Variants in CADM1 observed in about 807,000 individuals in gnomAD.
CADM1 encodes the protein cell adhesion molecule 1.
A neutral mutation model predicts 53.1 loss-of-function variants in CADM1; 15 were observed. That is an observed-to-expected ratio of 0.28 (90% CI 0.19 to 0.44). The LOEUF (loss-of-function observed/expected upper bound fraction) is 0.44. CADM1 is among the 20% of genes least tolerant of loss of function. The probability of loss-of-function intolerance (pLI) is 1.00; values close to 1 mark genes in which losing one functional copy is unlikely to be tolerated. For synonymous variants in CADM1, 281 were observed against 243.0 expected (o/e 1.16, Z -1.45); for missense variants, 434 against 611.3 (o/e 0.71, Z 3.06).
intron 10 of CADM1, among the ~76,000 whole-genome samples, chr11:115,189,599 T>C (rs45614835): frequency 0.16 from 24,332 of 152,220 alleles, 2,061 homozygotes; most frequent in East Asian, 0.3. Context: ...TAAAACTAGG[T>C]AAATGTTTTT....
chr11:115,214,633 G>A lies in CADM1; in HGVS notation c.969C>T (p.His323=). 2.5e-6 allele frequency: 4 copies of A among 1,614,028 alleles called. No homozygotes were observed. The highest frequency in any genetic ancestry group is 3.4e-6 in the Non-Finnish European group (4 of 1,179,934). Residue 323 remains histidine, a synonymous_variant, in exon 7 of 12, where the codon CAC becomes CAT. Coordinates refer to ENST00000331581, the MANE Select transcript of CADM1 (RefSeq NM_001301043.2). ...CEASNIVGKA[H]SDYMLYVYDP... ...CGTATACATACAGCATATAATCCGAGTGAGCTTTCCCCACTATGTTTGAAG... is the reference window on the plus strand; with the variant it reads ...CGTATACATACAGCATATAATCCGAATGAGCTTTCCCCACTATGTTTGAAG...
At chr11:115,281,551 ATCCAGCTTAAGAT>A (rs1161632511) in intron 1 of CADM1, among the ~76,000 whole-genome samples, 1 of 152,222 alleles carries the variant, frequency 6.6e-6, no homozygotes, top group Non-Finnish European at 1.5e-5. Flanking sequence ...AAATCGTGTG[ATCCAGCTTAAGAT>A]TCTGAATGGC....
At chr11:115,334,447 T>C (rs1324770242) in intron 1 of CADM1, among the ~76,000 whole-genome samples, 1 of 145,718 alleles carries the variant, frequency 6.9e-6, no homozygotes, top group Non-Finnish European at 1.5e-5. Context: ...GGTCTAAAAA[T>C]TGATGAGTAC....
intron 9 of CADM1, among the ~76,000 whole-genome samples, chr11:115,191,467 C>T (rs1454694132): frequency 6.6e-6 from 1 of 152,214 alleles, no homozygotes; most frequent in Non-Finnish European, 1.5e-5. Flanking sequence ...ATCAGAAAAT[C>T]TGATTCGCAA....
chr11:115,176,998 A>G (rs1341877995), intron 11 of CADM1, among the ~76,000 whole-genome samples: 1 of 152,236 alleles, frequency 6.6e-6, no homozygotes, highest in Non-Finnish European at 1.5e-5. Flanking sequence ...CAATTAGCCA[A>G]TAAATGAATT....
At chr11:115,188,972 A>C (rs1939711204) in intron 10 of CADM1, among the ~76,000 whole-genome samples, 2 of 152,074 alleles carry the variant, frequency 1.3e-5, no homozygotes, top group Non-Finnish European at 2.9e-5. Flanking sequence ...GTAATTGATT[A>C]ATCAGCATCC....
chr11:115,229,840 T>C (rs1430854244), intron 4 of CADM1, among the ~76,000 whole-genome samples: 2 of 152,286 alleles, frequency 1.3e-5, no homozygotes, highest in Admixed American at 6.5e-5. Context: ...GTAATTGAAA[T>C]GTTTAAACTC....
intron 1 of CADM1, among the ~76,000 whole-genome samples, chr11:115,331,081 G>T (rs890383639): frequency 6.6e-6 from 1 of 152,152 alleles, no homozygotes. Flanking sequence ...CTACAGGAAA[G>T]AATGTAAAAA....
chr11:115,281,380 G>A (rs1943579864), intron 1 of CADM1, among the ~76,000 whole-genome samples: 1 of 152,192 alleles, frequency 6.6e-6, no homozygotes, highest in Non-Finnish European at 1.5e-5. Context: ...CAAGACTTGA[G>A]CTTAAAGAGA....
At chr11:115,181,123 C>A (rs1204805405) in intron 10 of CADM1, among the ~76,000 whole-genome samples, 1 of 144,844 alleles carries the variant, frequency 6.9e-6, no homozygotes, top group Non-Finnish European at 1.5e-5. Context: ...AAAAGACCGC[C>A]TCCTCTCCAT....
At chr11:115,486,378 T>C (rs554057365) in intron 1 of CADM1, among the ~76,000 whole-genome samples, 41 of 152,330 alleles carry the variant, frequency 2.7e-4, no homozygotes, top group African/African-American at 9.1e-4. Flanking sequence ...TTGAGACAGG[T>C]CTCACTCTGT....
intron 1 of CADM1, among the ~76,000 whole-genome samples, chr11:115,450,341 T>C (rs913844997): frequency 3.0e-4 from 46 of 152,200 alleles, no homozygotes; most frequent in African/African-American, 1.1e-3. Flanking sequence ...CTTATCTTTC[T>C]ACTTCCAGGC....
chr11:115,261,370 G>C (rs920840305), intron 1 of CADM1, among the ~76,000 whole-genome samples: 1 of 152,048 alleles, frequency 6.6e-6, no homozygotes, highest in Non-Finnish European at 1.5e-5. Context: ...TAGAATTAAT[G>C]CCTCTCTCAA....
At chr11:115,328,691 T>TGTGTATATATGTATATACGTATATACGC (rs1555066931) in intron 1 of CADM1, among the ~76,000 whole-genome samples, 2 of 19,076 alleles carry the variant, frequency 1.0e-4, no homozygotes, top group African/African-American at 5.4e-4. Context: ...TATATATATG[T>TGTGTATATATGTATATACGTATATACGC]GTATATATAT....
At chr11:115,292,480 C>T (rs1439191776) in intron 1 of CADM1, among the ~76,000 whole-genome samples, 1 of 152,188 alleles carries the variant, frequency 6.6e-6, no homozygotes, top group East Asian at 1.9e-4. Flanking sequence ...CACGGCACAT[C>T]CTTATCTGAG....
intron 1 of CADM1, among the ~76,000 whole-genome samples, chr11:115,266,509 C>T (rs1943145351): frequency 6.6e-6 from 1 of 152,208 alleles, no homozygotes; most frequent in Admixed American, 6.5e-5. Context: ...AGGTTCAGTA[C>T]CTCTCCATGA....
Position 115,330,892 on chromosome 11 carries a change from T to C in CADM1, c.125-90472A>G, listed in dbSNP as rs531692976. 9.5e-4 allele frequency among the ~76,000 whole-genome samples: 145 copies of C among 152,220 alleles called. 1 individual carries two copies. The highest frequency in any genetic ancestry group is 3.4e-3 in the African/African-American group (143 of 41,520). ...AACCACCTCCACCCAAGAAGGAGCATGTTAGCAGCTGTTACAGAATCAACT... is the reference window on the plus strand; with the variant it reads ...AACCACCTCCACCCAAGAAGGAGCACGTTAGCAGCTGTTACAGAATCAACT... On this transcript the variant is annotated intron_variant, in intron 1 of 11. Transcript: ENST00000331581.
intron 1 of CADM1, among the ~76,000 whole-genome samples, chr11:115,338,035 G>A (rs1945313397): frequency 1.3e-5 from 2 of 152,122 alleles, no homozygotes; most frequent in Non-Finnish European, 2.9e-5. Context: ...TGGTCAGGAA[G>A]ACTGGCTCTT....
chr11:115,455,289 T>C (rs1264557571), intron 1 of CADM1, among the ~76,000 whole-genome samples: 1 of 151,856 alleles, frequency 6.6e-6, no homozygotes, highest in Non-Finnish European at 1.5e-5. Context: ...CACTGAAAAA[T>C]TCATGTATTT....
Sources: gnomAD v4.1 joint callset for allele counts (sites outside exome capture counted in the v4.1 genomes callset) on GRCh38, gnomAD v4.1.1 for gene constraint, MANE v1.5 for transcripts, NCBI Gene and HGNC (gene_info 2026-07-23, HGNC 2026-07-21) for gene names.